The following GRM4 variants were observed in gnomAD, a reference collection of about 807,000 sequenced individuals.
GRM4 encodes metabotropic glutamate receptor 4.
In GRM4, 28 loss-of-function variants were observed where a neutral mutation model predicts 81.7. The ratio of observed to expected loss-of-function variants is 0.34; its 90% CI spans 0.25 to 0.47. The LOEUF is 0.47. GRM4 is among the 20% of genes least tolerant of loss of function. The pLI, the probability that GRM4 is intolerant of heterozygous loss-of-function variation, is 1.00. For missense variants in GRM4, 948 were observed against 1,290.0 expected (o/e 0.73, Z 4.06); for synonymous variants, 488 against 528.8 (o/e 0.92, Z 1.06).
At chr6:34,045,058 C>T (rs1765303740) in intron 6 of GRM4, among the ~76,000 whole-genome samples, 2 of 152,142 alleles carry the variant, frequency 1.3e-5, no homozygotes, top group African/African-American at 4.8e-5. Context: ...CACTCCTCAA[C>T]TCTGACCTCA....
In GRM4 at chr6:34,040,745, CG is replaced by C; in HGVS notation, c.1171del (p.Arg391ValfsTer19). 1 of 1,612,654 alleles carries C rather than the reference CG, an allele frequency of 6.2e-7. No homozygotes were observed. The highest frequency in any genetic ancestry group is 8.5e-7 in the Non-Finnish European group (1 of 1,178,994). Reference protein sequence around the residue: ...KGSHVKKCTNRERIGQDSAYE... With the variant: ...KGSHVKKCTNXERIGQDSAYE... ...AGCTGAATCCTGCCCAATTCGCTCA[CG>C]GTCTGCAATGAAACACCAGGAACAG... On this transcript the variant is annotated frameshift_variant and splice_region_variant, in exon 7 of 11. Coordinates refer to ENST00000538487, the MANE Select transcript of GRM4 (RefSeq NM_000841.4). LOFTEE classifies it high-confidence loss of function.
Position 34,103,724 on chromosome 6 carries a change from A to G in GRM4, c.520-11625T>C, listed in dbSNP as rs951907874. ...ATGCCCCCTTTTCCAAGGAGGGCTC[A>G]AAGTCCAACTCCCATAGGTGAGAAG... is the stretch of plus-strand genomic sequence containing the variant. On this transcript the variant is annotated intron_variant, in intron 2 of 10. Coordinates refer to ENST00000538487, the MANE Select transcript of GRM4 (RefSeq NM_000841.4). The G allele has an allele frequency of 2.2e-5, 33 of 1,517,818 alleles. No individual in the cohort carries two copies. The African/African-American group carries it at 4.4e-4, about 20-fold the overall frequency. The allele number at this position is 1,517,818 out of a possible 1,614,324, so 94.0% of individuals were successfully genotyped here.
Position 34,062,037 on chromosome 6 carries a change from G to T in GRM4, c.737-9C>A. ...GGCGATGCACACGCCCCCTGCAGGA[G>T]GGGCACCAGTTAGTTGGGGTGGGCA... On this transcript the variant is annotated splice_polypyrimidine_tract_variant and intron_variant, in intron 3 of 10. Coordinates refer to ENST00000538487, the MANE Select transcript of GRM4 (RefSeq NM_000841.4). 6.2e-7 allele frequency: 1 copy of T among 1,604,068 alleles called. No homozygotes were observed. Among genetic ancestry groups the T allele is most frequent in the Non-Finnish European group, 8.5e-7 (1 of 1,172,496 alleles).
intron 1 of GRM4, among the ~76,000 whole-genome samples, chr6:34,144,438 G>A (rs1362666024): frequency 6.6e-6 from 1 of 152,208 alleles, no homozygotes; most frequent in Non-Finnish European, 1.5e-5. Flanking sequence ...GGTTCATCAC[G>A]GTCCCGGGGA....
At chr6:34,119,254 G>A (rs1769708575) in intron 2 of GRM4, among the ~76,000 whole-genome samples, 1 of 152,168 alleles carries the variant, frequency 6.6e-6, no homozygotes, top group Non-Finnish European at 1.5e-5. Context: ...AAATTAGCCA[G>A]GCATGGTGGC....
intron 1 of GRM4, among the ~76,000 whole-genome samples, chr6:34,141,867 G>A (rs1237132369): frequency 6.6e-6 from 1 of 152,202 alleles, no homozygotes; most frequent in Non-Finnish European, 1.5e-5. Context: ...GGAATTAGTT[G>A]TGAAGGAGGA....
intron 1 of GRM4, among the ~76,000 whole-genome samples, chr6:34,145,115 C>A (rs921769325): frequency 6.6e-6 from 1 of 151,998 alleles, no homozygotes; most frequent in African/African-American, 2.4e-5. Context: ...TAAGCCGCGG[C>A]GAGGGGTCGG....
rs1763830239 is a variant in GRM4 at position 34,020,466 on chromosome 6, C to A, written c.*2355G>T. Reference sequence around the variant, plus strand: ...AGGCAGGGTGCCCAGGATGGGGGTGCTGCCAGAGTCACCCTGGGGGAGAGC... The same window carrying A: ...AGGCAGGGTGCCCAGGATGGGGGTGATGCCAGAGTCACCCTGGGGGAGAGC... On this transcript the variant is annotated 3_prime_UTR_variant, in exon 11 of 11. Coordinates refer to ENST00000538487, the MANE Select transcript of GRM4 (RefSeq NM_000841.4). 1 of 152,256 alleles carries A rather than the reference C, an allele frequency of 6.6e-6. No homozygotes were observed. Among genetic ancestry groups the A allele is most frequent in the South Asian group, 2.1e-4 (1 of 4,830 alleles). 9.4% of individuals were successfully genotyped at this position (152,256 alleles called of 1,614,324 possible). A position where few individuals can be genotyped will look rare whatever the true frequency, so the allele number is the denominator to read the frequency against.
intron 10 of GRM4, among the ~76,000 whole-genome samples, chr6:34,023,294 A>G (rs1470558111): frequency 6.6e-6 from 1 of 152,220 alleles, no homozygotes; most frequent in Non-Finnish European, 1.5e-5. Flanking sequence ...TTTTTATGAC[A>G]TCATATAACC....
At chr6:34,038,780 C>T (rs570401919) in intron 8 of GRM4, among the ~76,000 whole-genome samples, 86 of 152,306 alleles carry the variant, frequency 5.6e-4, no homozygotes, top group African/African-American at 1.9e-3. Context: ...ACGGTCTGGC[C>T]GGTGGAGGGG....
At position 34,130,543 on chromosome 6, in the gene GRM4, G is replaced by C. The variant is rs1770194269; in HGVS notation, c.519+2435C>G. ...ACCCCAGGCCCCTCACCCCACCCTG[G>C]CCCTTCCCCATGCTGGGAGAGGTTA... On this transcript the variant is annotated intron_variant, in intron 2 of 10. Coordinates refer to ENST00000538487, the MANE Select transcript of GRM4 (RefSeq NM_000841.4). This position sits in a 1 kb window ranked among gnomAD's most constrained non-coding sequence, Gnocchi z 4.1. 6.6e-6 allele frequency among the ~76,000 whole-genome samples: 1 copy of C among 152,070 alleles called. No individual in the cohort carries two copies.
intron 3 of GRM4, among the ~76,000 whole-genome samples, chr6:34,073,999 C>T (rs1359918557): frequency 4.6e-5 from 7 of 152,192 alleles, no homozygotes; most frequent in Non-Finnish European, 1.0e-4. Context: ...GGCTCTGTGG[C>T]CAGAACATTA....
chr6:34,137,931 G>A (rs929789114), intron 1 of GRM4, among the ~76,000 whole-genome samples: 28 of 151,948 alleles, frequency 1.8e-4, no homozygotes, highest in African/African-American at 6.8e-4. Context: ...CAGGACCTTC[G>A]TGCTTTTCCA....
Position 34,042,837 on chromosome 6 carries a change from C to G in GRM4, c.1169-2089G>C, listed in dbSNP as rs1765081498. On this transcript the variant is annotated intron_variant, in intron 6 of 10. Coordinates refer to ENST00000538487, the MANE Select transcript of GRM4 (RefSeq NM_000841.4). The surrounding 1 kb of genome is among the most constrained non-coding windows in gnomAD (Gnocchi z 4.2). ...TCTCCCTGAGGCAGTACCCTCTAATCCCCTCACACCCTCTAATCCTGGCCA... is the reference window on the plus strand; with the variant it reads ...TCTCCCTGAGGCAGTACCCTCTAATGCCCTCACACCCTCTAATCCTGGCCA... 6.6e-6 allele frequency among the ~76,000 whole-genome samples: 1 copy of G among 152,188 alleles called. No homozygotes were observed. Among genetic ancestry groups the G allele is most frequent in the African/African-American group, 2.4e-5 (1 of 41,444 alleles).
At chr6:34,122,918 A>C (rs1352632) in intron 2 of GRM4, among the ~76,000 whole-genome samples, 95,811 of 152,080 alleles carry the variant, frequency 0.63, 30,438 homozygotes, top group Admixed American at 0.7. Context: ...TCGAGTCAGT[A>C]TGACTGCCCA....
intron 2 of GRM4, chr6:34,099,985 A>G (rs1002168952): frequency 1.9e-5 from 17 of 883,108 alleles, no homozygotes; most frequent in Non-Finnish European, 2.3e-5. Flanking sequence ...AGCCCTGCCT[A>G]GGCACTCACC....
chr6:34,104,402 C>T (rs1197737553), intron 2 of GRM4, among the ~76,000 whole-genome samples: 1 of 152,216 alleles, frequency 6.6e-6, no homozygotes, highest in African/African-American at 2.4e-5. Context: ...CTAACGAGCA[C>T]CTACTCTGTG....
intron 2 of GRM4, among the ~76,000 whole-genome samples, chr6:34,116,734 A>G (rs1410074845): frequency 2.0e-5 from 3 of 152,238 alleles, no homozygotes; most frequent in Admixed American, 2.0e-4. Context: ...GGCTCTATTC[A>G]TAATAGCCAA....
intron 6 of GRM4, among the ~76,000 whole-genome samples, chr6:34,046,078 C>G (rs1313547147): frequency 9.2e-5 from 14 of 152,258 alleles, no homozygotes; most frequent in South Asian, 2.1e-4. Context: ...TCGTCTCCCC[C>G]CTCACTTCTC....
Sources: gnomAD v4.1 joint callset for allele counts (sites outside exome capture counted in the v4.1 genomes callset) on GRCh38, gnomAD v4.1.1 for gene constraint, Gnocchi (gnomAD v3.1) non-coding constraint, MANE v1.5 for transcripts, NCBI Gene and HGNC (gene_info 2026-07-23, HGNC 2026-07-21) for gene names.